The following EPHA6 variants were observed in gnomAD, a reference collection of about 807,000 sequenced individuals.
The protein encoded by EPHA6 is EPH receptor A6.
In EPHA6, 50 loss-of-function variants were observed where a neutral mutation model predicts 112.0. That is an observed-to-expected ratio of 0.45 (90% CI 0.36 to 0.56). The LOEUF is 0.56. Ranked by LOEUF, EPHA6 falls within the 20% of genes least tolerant of loss-of-function variation. The probability of loss-of-function intolerance (pLI) is 0.00; values close to 1 mark genes in which losing one functional copy is unlikely to be tolerated. For missense variants in EPHA6, 1,280 were observed against 1,417.4 expected (o/e 0.90, Z 1.56); for synonymous variants, 529 against 490.7 (o/e 1.08, Z -1.03).
At chr3:97,022,253 CAT>C (rs1259863582) in intron 3 of EPHA6, among the ~76,000 whole-genome samples, 1 of 152,100 alleles carries the variant, frequency 6.6e-6, no homozygotes, top group African/African-American at 2.4e-5. Flanking sequence ...GGAGTTACAA[CAT>C]GTCATTATTT....
intron 11 of EPHA6, among the ~76,000 whole-genome samples, chr3:97,555,265 A>AT (rs1179426934): frequency 7.2e-5 from 11 of 151,962 alleles, no homozygotes; most frequent in Non-Finnish European, 1.5e-4. Flanking sequence ...TGAACTCATC[A>AT]TTTTTATGGC....
chr3:97,373,957 G>T (rs1165422627), intron 5 of EPHA6, among the ~76,000 whole-genome samples: 1 of 151,968 alleles, frequency 6.6e-6, no homozygotes, highest in African/African-American at 2.4e-5. Flanking sequence ...GTGGTCTTTT[G>T]CTTTTGATCT....
chr3:96,955,365 T>G (rs1192179523), intron 2 of EPHA6, among the ~76,000 whole-genome samples: 1 of 152,202 alleles, frequency 6.6e-6, no homozygotes, highest in Non-Finnish European at 1.5e-5. Context: ...TATTTGTATA[T>G]GTGCATAGAC....
chr3:97,057,538 C>T (rs950817261), intron 3 of EPHA6, among the ~76,000 whole-genome samples: 2 of 152,168 alleles, frequency 1.3e-5, no homozygotes, highest in Admixed American at 6.5e-5. Flanking sequence ...GATGATGTCA[C>T]ATCAGCCAAA....
At chr3:97,409,377 C>T (rs2087561170) in intron 6 of EPHA6, among the ~76,000 whole-genome samples, 2 of 152,090 alleles carry the variant, frequency 1.3e-5, no homozygotes, top group Non-Finnish European at 2.9e-5. Context: ...AGCTAATTTA[C>T]TCCTAACAAC....
At chr3:97,063,574 A>T (rs1245895065) in intron 3 of EPHA6, among the ~76,000 whole-genome samples, 1 of 152,188 alleles carries the variant, frequency 6.6e-6, no homozygotes, top group East Asian at 1.9e-4. Flanking sequence ...GGAGAGAATC[A>T]GGAGAAATAG....
chr3:97,031,934 A>T (rs1164274916), intron 3 of EPHA6, among the ~76,000 whole-genome samples: 1 of 152,204 alleles, frequency 6.6e-6, no homozygotes, highest in Non-Finnish European at 1.5e-5. Context: ...TGACCCAGCC[A>T]TCCCGTTACT....
At chr3:97,727,114 C>G (rs2034806507) in intron 15 of EPHA6, among the ~76,000 whole-genome samples, 1 of 151,992 alleles carries the variant, frequency 6.6e-6, no homozygotes, top group Non-Finnish European at 1.5e-5. Flanking sequence ...TTCAGTTTCC[C>G]AAAAAGAGAA....
rs2041636249 is a variant in EPHA6, at chr3:96,953,522, C to T, written c.451-33808C>T. Among the ~76,000 whole-genome samples, 3 of 152,258 alleles carry T rather than the reference C, an allele frequency of 2.0e-5. No individual in the cohort carries two copies. In the South Asian group the frequency reaches 6.2e-4, roughly 32 times the overall value. On this transcript the variant is annotated intron_variant, in intron 2 of 17. Transcript: ENST00000389672. ...TGTTAAAGTTTATGGCTCCTGCATA[C>T]ATTTATAGAAGAAACTTGACTTTTC...
chr3:97,316,520 C>A (rs1163129531), intron 5 of EPHA6, among the ~76,000 whole-genome samples: 2 of 151,788 alleles, frequency 1.3e-5, no homozygotes, highest in Admixed American at 1.3e-4. Context: ...TTCTGATGAT[C>A]CCCTTAAGAG....
rs1560119103 is a variant in EPHA6, at chr3:97,543,826, G to C, written c.2386+11283G>C. On this transcript the variant is annotated intron_variant, in intron 11 of 17. Transcript: ENST00000389672. ...GGTCCTTCACATCCCTTGTGAGTTG[G>C]ATTCCTAGGTATTTTATTCTCTTTG... is the stretch of plus-strand genomic sequence containing the variant. Among the ~76,000 whole-genome samples the C allele has an allele frequency of 2.0e-5, 3 of 152,008 alleles. No homozygotes were observed. The South Asian group carries it at 6.2e-4, about 32-fold the overall frequency.
intron 14 of EPHA6, among the ~76,000 whole-genome samples, chr3:97,686,909 A>G (rs2032291219): frequency 6.6e-6 from 1 of 152,200 alleles, no homozygotes; most frequent in Admixed American, 6.6e-5. Flanking sequence ...TACCAGTGGC[A>G]CAGCAAAAAA....
chr3:97,463,940 A>G (rs2090972044), intron 7 of EPHA6, among the ~76,000 whole-genome samples: 1 of 152,152 alleles, frequency 6.6e-6, no homozygotes, highest in Non-Finnish European at 1.5e-5. Context: ...GCAAAGAGGA[A>G]TGAAGAAATG....
At chr3:97,386,084 C>T (rs1035374881) in intron 5 of EPHA6, among the ~76,000 whole-genome samples, 2 of 152,080 alleles carry the variant, frequency 1.3e-5, no homozygotes, top group African/African-American at 2.4e-5. Context: ...CAACAGTCCC[C>T]CAAAGTTCTA....
chr3:97,479,236 T>C, intron 8 of EPHA6, 58 bp from the exon 9 acceptor site: 1 of 1,080,242 alleles, frequency 9.3e-7, no homozygotes, highest in Non-Finnish European at 1.3e-6. Context: ...TTAATTGGTT[T>C]TGCATTGTAT....
chr3:97,602,507 G>A (rs1220089821), intron 12 of EPHA6, among the ~76,000 whole-genome samples: 1 of 152,036 alleles, frequency 6.6e-6, no homozygotes, highest in South Asian at 2.1e-4. Context: ...ATAAGGAGAT[G>A]GCCAAGCATT....
intron 3 of EPHA6, among the ~76,000 whole-genome samples, chr3:97,038,030 A>C (rs2045172070): frequency 6.6e-6 from 1 of 151,958 alleles, no homozygotes; most frequent in Non-Finnish European, 1.5e-5. Flanking sequence ...GCAATTTTTT[A>C]TTGATACATA....
chr3:97,477,813 C>A (rs571428815), intron 8 of EPHA6, among the ~76,000 whole-genome samples: 1,434 of 134,006 alleles, frequency 0.011, 23 homozygotes, highest in African/African-American at 0.044. Flanking sequence ...TGCTTTGGAG[C>A]CCAGAAAGTT....
chr3:96,908,255 T>C (rs1470509324), intron 2 of EPHA6, among the ~76,000 whole-genome samples: 1 of 152,046 alleles, frequency 6.6e-6, no homozygotes, highest in Non-Finnish European at 1.5e-5. Flanking sequence ...ATGCGGAGCA[T>C]GACTGCAATT....
Sources: allele counts gnomAD v4.1 joint callset (sites outside exome capture counted in the v4.1 genomes callset), GRCh38; gene constraint gnomAD v4.1.1; transcripts MANE v1.5; gene names NCBI Gene and HGNC (gene_info 2026-07-23, HGNC 2026-07-21).